Variants in MON2 observed in about 807,000 individuals in gnomAD.
MON2 encodes the protein protein MON2 homolog.
A neutral mutation model predicts 208.6 loss-of-function variants in MON2; 84 were observed. The ratio of observed to expected loss-of-function variants is 0.40; its 90% CI spans 0.34 to 0.48. The LOEUF (loss-of-function observed/expected upper bound fraction) is 0.48. Among genes scored for constraint, MON2 ranks in the 20% least tolerant of loss-of-function variants. MON2 has a pLI of 0.59. For missense variants in MON2, 1,611 were observed against 2,015.4 expected, an observed-to-expected ratio of 0.80 and a Z score of 3.84; for synonymous variants, 660 against 694.0, an observed-to-expected ratio of 0.95 and a Z score of 0.77.
rs185149041 is a variant in MON2 at position 62,556,073 on chromosome 12, A to G, written c.3290A>G (p.Asn1097Ser). ...DKEKIESGGGNILIHHSRDTA... is the reference protein window; with the variant it reads ...DKEKIESGGGSILIHHSRDTA... ...GAAAAGATTGAGTCTGGAGGTGGCA[A>G]TATTCTCATTCATCATTCAAGGGAC... The change falls in exon 25 of 35, where the codon AAT (asparagine) becomes AGT (serine). Residue 1097 changes from asparagine to serine, a missense_variant. Asn to Ser is a conservative substitution (Grantham distance 46). Coordinates refer to ENST00000393630, the MANE Select transcript of MON2 (RefSeq NM_015026.3). 2.2e-5 allele frequency: 35 copies of G among 1,613,956 alleles called. No homozygotes were observed. In the East Asian group the frequency reaches 3.3e-4, roughly 15 times the overall value.
intron 32 of MON2, among the ~76,000 whole-genome samples, chr12:62,581,755 G>A (rs765349498): frequency 3.9e-4 from 59 of 151,964 alleles, no homozygotes; most frequent in Non-Finnish European, 6.9e-4. Flanking sequence ...TGCTTGATTC[G>A]GGAAGCGGAG....
chr12:62,560,744 A>G lies in MON2; in HGVS notation c.3663A>G (p.Arg1221=). The G allele has an allele frequency of 6.2e-7, 1 of 1,614,174 alleles. No homozygotes were observed. The highest frequency in any genetic ancestry group is 8.5e-7 in the Non-Finnish European group (1 of 1,180,022). The change falls in exon 26 of 35, where the codon AGA becomes AGG. Residue 1221 remains arginine, a synonymous_variant. Transcript: ENST00000393630. Reference sequence around the variant, plus strand: ...ATTCCATTGGAGAAAAACTAGGAAGATATAGTAGCTCTGAGCCACCCATTG... The same window carrying G: ...ATTCCATTGGAGAAAAACTAGGAAGGTATAGTAGCTCTGAGCCACCCATTG... ...RTDSIGEKLG[R]YSSSEPPIVT...
At chr12:62,532,225 T>C (rs932992910) in intron 11 of MON2, among the ~76,000 whole-genome samples, 7 of 152,194 alleles carry the variant, frequency 4.6e-5, no homozygotes, top group African/African-American at 1.7e-4. Context: ...AATAATTAGT[T>C]ATGGCAGTGG....
At position 62,549,760 on chromosome 12, in the gene MON2, T is replaced by C; in HGVS notation, c.2846T>C (p.Val949Ala). 1 of 1,612,882 alleles carries C rather than the reference T, an allele frequency of 6.2e-7. No homozygotes were observed. The highest frequency in any genetic ancestry group is 8.5e-7 in the Non-Finnish European group (1 of 1,179,270). Residue 949 changes from valine to alanine, a missense_variant, in exon 23 of 35, where the codon GTA (valine) becomes GCA (alanine). Transcript: ENST00000393630. ...CCTTGTACTTGCCTGCAAATAGTTG[T>C]AGATGTTGCAGGTAGCTTTGGCCTC... is the stretch of plus-strand genomic sequence containing the variant. The part of the protein sequence containing the change: ...TMPCTCLQIV[V>A]DVAGSFGLHN...
At chr12:62,518,089 T>C (rs942660715) in intron 8 of MON2, among the ~76,000 whole-genome samples, 1 of 152,218 alleles carries the variant, frequency 6.6e-6, no homozygotes, top group Admixed American at 6.5e-5. Context: ...GGTTTGCAGA[T>C]GTCTGTCTTC....
At chr12:62,588,425 A>G (rs759228354) in intron 34 of MON2, among the ~76,000 whole-genome samples, 1 of 151,944 alleles carries the variant, frequency 6.6e-6, no homozygotes, top group Non-Finnish European at 1.5e-5. Context: ...AGAATAATCC[A>G]TATTTCATAT....
chr12:62,470,860 A>C (rs1171244435), intron 1 of MON2: 1 of 475,278 alleles, frequency 2.1e-6, no homozygotes, highest in Non-Finnish European at 2.8e-6. Flanking sequence ...AATATGATCA[A>C]ATTGATATTT....
At chr12:62,485,545 A>C (rs1027835892) in intron 2 of MON2, among the ~76,000 whole-genome samples, 1 of 152,120 alleles carries the variant, frequency 6.6e-6, no homozygotes, top group Non-Finnish European at 1.5e-5. Context: ...CCTGATTTTG[A>C]ACAGTCTTAT....
At position 62,585,547 on chromosome 12, in the gene MON2, A is replaced by G. The variant is rs776027042; in HGVS notation, c.4907+46A>G. ...AAGAAATAAATGTATTGTTGTACTA[A>G]TTGTTGATAACAAGGAAAACTCTGA... On this transcript the variant is annotated intron_variant, in intron 33 of 34. Transcript: ENST00000393630. The G allele has an allele frequency of 2.8e-6, 4 of 1,410,260 alleles. 1 individual carries two copies. Among genetic ancestry groups the G allele is most frequent in the Non-Finnish European group, 1.9e-6 (2 of 1,038,262 alleles). The allele number at this position is 1,410,260 out of a possible 1,614,324, so 87.4% of individuals were successfully genotyped here. A position where few individuals can be genotyped will look rare whatever the true frequency, so the allele number is the denominator to read the frequency against.
intron 29 of MON2, among the ~76,000 whole-genome samples, chr12:62,566,835 T>C (rs2074402003): frequency 6.6e-6 from 1 of 151,952 alleles, no homozygotes; most frequent in African/African-American, 2.4e-5. Flanking sequence ...TGTATACATA[T>C]GTAACAAACC....
intron 29 of MON2, among the ~76,000 whole-genome samples, chr12:62,570,722 CTT>C (rs1192680038): frequency 2.0e-3 from 145 of 70,812 alleles, no homozygotes; most frequent in African/African-American, 6.6e-3. Flanking sequence ...TTTTCTTTTT[CTT>C]TTTTTTTTTT....
intron 7 of MON2, among the ~76,000 whole-genome samples, chr12:62,506,334 G>T (rs1347776450): frequency 6.6e-6 from 1 of 152,206 alleles, no homozygotes; most frequent in East Asian, 1.9e-4. Flanking sequence ...ACATGCAGAA[G>T]TAACAATGAC....
chr12:62,495,748 A>G (rs1051648719), intron 4 of MON2, among the ~76,000 whole-genome samples: 1 of 151,030 alleles, frequency 6.6e-6, no homozygotes, highest in Non-Finnish European at 1.5e-5. Context: ...ATTCCCTGTG[A>G]TAGCTCTCCC....
At chr12:62,537,810 T>C (rs2073048597) in intron 16 of MON2, 104 bp downstream of exon 16, 1 of 881,070 alleles carries the variant, frequency 1.1e-6, no homozygotes, top group Non-Finnish European at 1.8e-6. Flanking sequence ...GCCTAAAAAA[T>C]AGATAGTAAG....
rs2075441334 is a variant in MON2 at position 62,592,889 on chromosome 12, A to C, written c.*140A>C. On this transcript the variant is annotated 3_prime_UTR_variant, in exon 35 of 35. Coordinates refer to ENST00000393630, the MANE Select transcript of MON2 (RefSeq NM_015026.3). ...GCCTCCTTTAAATTCTACTTACCTG[A>C]GTTCAGTAATTCATATTACAGGCTT... The C allele has an allele frequency of 1.3e-6, 1 of 772,148 alleles. No individual in the cohort carries two copies. The highest frequency in any genetic ancestry group is 2.0e-6 in the Non-Finnish European group (1 of 506,536). The allele number at this position is 772,148 out of a possible 1,614,324, so 47.8% of individuals were successfully genotyped here. A position where few individuals can be genotyped will look rare whatever the true frequency, so the allele number is the denominator to read the frequency against.
At chr12:62,489,854 G>GT (rs1334621013) in intron 2 of MON2, among the ~76,000 whole-genome samples, 1 of 152,016 alleles carries the variant, frequency 6.6e-6, no homozygotes, top group African/African-American at 2.4e-5. Flanking sequence ...AGGAATGTCA[G>GT]TCTTCCCCAG....
At chr12:62,551,997 G>A (rs925706771) in intron 23 of MON2, among the ~76,000 whole-genome samples, 3 of 152,112 alleles carry the variant, frequency 2.0e-5, no homozygotes, top group Admixed American at 1.3e-4. Flanking sequence ...AGTTGTATCT[G>A]TACTGAACAT....
rs755501123 is a variant in MON2, at chr12:62,493,966, G to C, written c.227G>C (p.Gly76Ala). 2 of 1,612,660 alleles carry C rather than the reference G, an allele frequency of 1.2e-6. No homozygotes were observed. Among genetic ancestry groups the C allele is most frequent in the Admixed American group, 3.3e-5 (2 of 59,984 alleles). Residue 76 changes from glycine to alanine, a missense_variant, in exon 3 of 35, where the codon GGA becomes GCA. Physicochemically the swap from Gly to Ala is moderately conservative, Grantham distance 60. Transcript: ENST00000393630. ...GTACAGCCTTTTTTAATGGGTTGTG[G>C]AACCAAGGAACCGAAGATCACTCAG... ...EVVQPFLMGC[G>A]TKEPKITQLC...
At chr12:62,469,881 A>ATTTT (rs200769795) in intron 1 of MON2, among the ~76,000 whole-genome samples, 7,144 of 130,160 alleles carry the variant, frequency 0.055, 316 homozygotes, top group East Asian at 0.17. Context: ...CTTGACTATT[A>ATTTT]TTTTATTTAT....
Sources: allele counts gnomAD v4.1 joint callset (sites outside exome capture counted in the v4.1 genomes callset), GRCh38; gene constraint gnomAD v4.1.1; transcripts MANE v1.5; gene names NCBI Gene and HGNC (gene_info 2026-07-23, HGNC 2026-07-21).